The following FRMPD2 variants were observed in gnomAD, a reference collection of about 807,000 sequenced individuals.
FRMPD2 encodes the protein FERM and PDZ domain containing 2.
Under a neutral mutation model 140.1 loss-of-function variants are expected in FRMPD2, and 96 were observed. The observed-to-expected ratio is 0.69, with a 90% CI of 0.58 to 0.81. FRMPD2 has a LOEUF of 0.81. Ranked by LOEUF, FRMPD2 falls within the 40% of genes least tolerant of loss-of-function variation. FRMPD2 has a pLI of 0.00. For synonymous variants in FRMPD2, 449 were observed against 547.6 expected (o/e 0.82, Z 2.52); for missense variants, 1,240 against 1,447.4 (o/e 0.86, Z 2.32).
chr10:48,271,126 G>T (rs17009540), intron 1 of FRMPD2, among the ~76,000 whole-genome samples: 4,883 of 152,190 alleles, frequency 0.032, 96 homozygotes, highest in Non-Finnish European at 0.043. Flanking sequence ...CAGGCCCACC[G>T]CTTTGGACTG....
At chr10:48,229,775 A>G (rs1388766288) in intron 10 of FRMPD2, among the ~76,000 whole-genome samples, 1 of 152,182 alleles carries the variant, frequency 6.6e-6, no homozygotes, top group Non-Finnish European at 1.5e-5. Flanking sequence ...AACCATGGCC[A>G]TTCTAAGTCC....
At chr10:48,204,463 A>G (rs1839159273) in intron 14 of FRMPD2, among the ~76,000 whole-genome samples, 1 of 152,238 alleles carries the variant, frequency 6.6e-6, no homozygotes, top group East Asian at 1.9e-4. Context: ...TCAATCCACC[A>G]TGCTAGAAGA....
chr10:48,225,655 C>A (rs2082723722), intron 10 of FRMPD2, among the ~76,000 whole-genome samples: 1 of 152,200 alleles, frequency 6.6e-6, no homozygotes, highest in African/African-American at 2.4e-5. Flanking sequence ...AGAATAAACT[C>A]TTTCTTTGGA....
chr10:48,171,831 T>C (rs1838266158), intron 25 of FRMPD2, among the ~76,000 whole-genome samples: 1 of 152,254 alleles, frequency 6.6e-6, no homozygotes, highest in Admixed American at 6.5e-5. Context: ...CATACATTCC[T>C]ATTACTCCTT....
At chr10:48,230,221 T>C (rs1839819554) in intron 10 of FRMPD2, among the ~76,000 whole-genome samples, 1 of 152,200 alleles carries the variant, frequency 6.6e-6, no homozygotes, top group Non-Finnish European at 1.5e-5. Context: ...TTTTCTCCTT[T>C]CCTGATCCAA....
chr10:48,161,653 T>G (rs1209324375), intron 28 of FRMPD2, among the ~76,000 whole-genome samples: 2 of 151,342 alleles, frequency 1.3e-5, no homozygotes, highest in African/African-American at 4.9e-5. Flanking sequence ...AGTAACTAGA[T>G]GATGATAAAA....
At chr10:48,193,755 G>A (rs1489538329) in intron 15 of FRMPD2, among the ~76,000 whole-genome samples, 1 of 152,172 alleles carries the variant, frequency 6.6e-6, no homozygotes, top group Non-Finnish European at 1.5e-5. Context: ...GTGTGTATGT[G>A]TGTGTGTGTG....
chr10:48,227,207 G>A (rs2131914488), intron 10 of FRMPD2, among the ~76,000 whole-genome samples: 1 of 152,302 alleles, frequency 6.6e-6, no homozygotes, highest in South Asian at 2.1e-4. Flanking sequence ...TTGGTTCTAG[G>A]TTCTAACAGA....
At chr10:48,204,676 T>G (rs1839166084) in intron 14 of FRMPD2, among the ~76,000 whole-genome samples, 1 of 152,216 alleles carries the variant, frequency 6.6e-6, no homozygotes, top group African/African-American at 2.4e-5. Flanking sequence ...TCATAAAGTT[T>G]TTGTGATTTC....
chr10:48,224,682 G>A (rs1190219290), intron 10 of FRMPD2, among the ~76,000 whole-genome samples: 1 of 152,188 alleles, frequency 6.6e-6, no homozygotes, highest in Non-Finnish European at 1.5e-5. Flanking sequence ...AGTCACCTTT[G>A]AGTGATTTCC....
Position 48,173,030 on chromosome 10 carries a change from C to T in FRMPD2, c.3139G>A (p.Asp1047Asn). Residue 1047 changes from aspartate to asparagine, a missense_variant, in exon 25 of 29, where the codon GAC becomes AAC. Physicochemically the swap from Asp to Asn is conservative, Grantham distance 23. Transcript: ENST00000374201. ...RSTQQCPSAN[D>N]SMGDERTAVS... The stretch of plus-strand genomic sequence containing the variant: ...GCCGTGCGTTCATCTCCCATGCTGT[C>T]ATTAGCAGAAGGACACTGCTGTGTA... 1.0e-6 allele frequency: 1 copy of T among 952,918 alleles called. No individual in the cohort carries two copies. Among genetic ancestry groups the T allele is most frequent in the Non-Finnish European group, 1.7e-6 (1 of 587,352 alleles). The allele number at this position is 952,918 out of a possible 1,614,324, so 59.0% of individuals were successfully genotyped here.
At chr10:48,223,311 G>C in intron 10 of FRMPD2, 41 bp from the exon 11 acceptor site, 1 of 1,581,378 alleles carries the variant, frequency 6.3e-7, no homozygotes. Context: ...AGAAGCAGTA[G>C]GGATTGCACC....
At chr10:48,235,231 C>A (rs1161562119) in intron 9 of FRMPD2, among the ~76,000 whole-genome samples, 1 of 152,200 alleles carries the variant, frequency 6.6e-6, no homozygotes, top group Non-Finnish European at 1.5e-5. Context: ...ATCTTGCATA[C>A]CTGGGGTGTA....
intron 18 of FRMPD2, 141 bp downstream of exon 18, chr10:48,185,412 C>A: frequency 1.6e-6 from 1 of 632,362 alleles, no homozygotes; most frequent in South Asian, 1.9e-5. Flanking sequence ...AGAAAAAAAA[C>A]AGAAGTGATT....
At chr10:48,178,244 C>T in intron 21 of FRMPD2, 93 bp from the exon 22 acceptor site, 2 of 896,540 alleles carry the variant, frequency 2.2e-6, no homozygotes, top group African/African-American at 1.7e-5. Context: ...AGCATTGCAC[C>T]TCAGAAAGAT....
At chr10:48,185,135 C>T (rs574630399) in intron 18 of FRMPD2, among the ~76,000 whole-genome samples, 1 of 152,256 alleles carries the variant, frequency 6.6e-6, no homozygotes, top group South Asian at 2.1e-4. Context: ...GATTTTGCTC[C>T]AGTAGATAAT....
chr10:48,246,716 T>G (rs544572702), intron 3 of FRMPD2, among the ~76,000 whole-genome samples: 1 of 152,154 alleles, frequency 6.6e-6, no homozygotes. Context: ...GGCCCAGGAC[T>G]GGGGGAGGAT....
At chr10:48,271,930 T>A (rs1463700660) in intron 1 of FRMPD2, among the ~76,000 whole-genome samples, 1 of 152,202 alleles carries the variant, frequency 6.6e-6, no homozygotes, top group Non-Finnish European at 1.5e-5. Flanking sequence ...AGTTTTTCAA[T>A]AAATCCTAGC....
chr10:48,212,088 A>G lies in FRMPD2; in HGVS notation c.1477T>C (p.Phe493Leu), dbSNP rs1344171281. The G allele has an allele frequency of 4.3e-6, 7 of 1,613,948 alleles. No homozygotes were observed. Among genetic ancestry groups the G allele is most frequent in the African/African-American group, 4.0e-5 (3 of 74,912 alleles). The change falls in exon 13 of 29, where the codon TTT becomes CTT. Residue 493 changes from phenylalanine to leucine, a missense_variant. Physicochemically the swap from Phe to Leu is conservative, Grantham distance 22. Coordinates refer to ENST00000374201, the MANE Select transcript of FRMPD2 (RefSeq NM_001018071.4). The stretch of plus-strand genomic sequence containing the variant: ...GCTGGGATGTAATCTTCAACGTGAA[A>G]GTATGGCTTACTCTCCACCTGCTGG... ...PKEQVESKPY[F>L]HVEDYIPASL...
Sources: allele counts gnomAD v4.1 joint callset (sites outside exome capture counted in the v4.1 genomes callset), GRCh38; gene constraint gnomAD v4.1.1; transcripts MANE v1.5; gene names NCBI Gene and HGNC (gene_info 2026-07-23, HGNC 2026-07-21).